SNX14: variants seen among roughly 807,000 people sequenced by gnomAD.
SNX14 encodes sorting nexin-14.
In SNX14, 93 loss-of-function variants were observed where a neutral mutation model predicts 133.8. The ratio of observed to expected loss-of-function variants is 0.70; its 90% CI spans 0.59 to 0.83. The LOEUF (loss-of-function observed/expected upper bound fraction) is 0.83, where lower values mean the gene tolerates loss of function less well. Among genes scored for constraint, SNX14 ranks in the 40% least tolerant of loss-of-function variants. The pLI, the probability that SNX14 is intolerant of heterozygous loss-of-function variation, is 0.00. For missense variants in SNX14, 945 were observed against 1,094.9 expected, an observed-to-expected ratio of 0.86 and a Z score of 1.93; for synonymous variants, 368 against 365.6, an observed-to-expected ratio of 1.01 and a Z score of -0.07.
chr6:85,547,017 T>C (rs930649048), intron 12 of SNX14, 95 bp downstream of exon 12: 4 of 773,762 alleles, frequency 5.2e-6, no homozygotes, highest in South Asian at 2.1e-5. Context: ...AGTACAATGA[T>C]AGATGGGTAC....
intron 21 of SNX14, among the ~76,000 whole-genome samples, chr6:85,518,594 T>C (rs1313872066): frequency 6.6e-6 from 1 of 152,206 alleles, no homozygotes; most frequent in East Asian, 1.9e-4. Flanking sequence ...ACATCAAACA[T>C]CTTGAGATTT....
At position 85,543,772 on chromosome 6, in the gene SNX14, G is replaced by A; in HGVS notation, c.1109-12C>T. ...ATCATTAAATTCCTCTAACAAATGA[G>A]GGAATGAATAAGAAAAAATAATTTT... On this transcript the variant is annotated splice_polypyrimidine_tract_variant and intron_variant, in intron 12 of 28. Coordinates refer to ENST00000314673, the MANE Select transcript of SNX14 (RefSeq NM_153816.6). The A allele has an allele frequency of 1.4e-6, 2 of 1,464,116 alleles. No individual in the cohort carries two copies. Among genetic ancestry groups the A allele is most frequent in the Non-Finnish European group, 1.8e-6 (2 of 1,094,426 alleles). The allele number at this position is 1,464,116 out of a possible 1,614,324, so 90.7% of individuals were successfully genotyped here.
intron 6 of SNX14, among the ~76,000 whole-genome samples, chr6:85,561,839 C>A (rs555861489): frequency 4.3e-5 from 6 of 138,378 alleles, no homozygotes; most frequent in Admixed American, 2.9e-4. Flanking sequence ...TTTTTTTTTT[C>A]CTTTTTCTTT....
intron 19 of SNX14, among the ~76,000 whole-genome samples, chr6:85,529,043 C>T (rs1184571484): frequency 2.0e-5 from 3 of 147,488 alleles, no homozygotes; most frequent in African/African-American, 7.5e-5. Context: ...CAGAGTGAGA[C>T]TCACCTCAGA....
chr6:85,533,682 T>C lies in SNX14; in HGVS notation c.1727A>G (p.Glu576Gly). ...KISIPYVDFF[E>G]DPSSERKEKK... Reference sequence around the variant, plus strand: ...CTCCTTCCTTTCAGAGGAGGGATCCTCAAAAAAGTCTACATATGGAATGCT... The same window carrying C: ...CTCCTTCCTTTCAGAGGAGGGATCCCCAAAAAAGTCTACATATGGAATGCT... Residue 576 changes from glutamate (E) to glycine (G), a missense_variant, in exon 18 of 29, where the codon GAG becomes GGG. By Grantham distance (98) the Glu-to-Gly change is moderately conservative. This residue lies in a region of SNX14 where 412 missense variants were observed against 516.6 expected (regional missense o/e 0.80). Transcript: ENST00000314673. 1 of 1,613,922 alleles carries C rather than the reference T, an allele frequency of 6.2e-7. No homozygotes were observed. Among genetic ancestry groups the C allele is most frequent in the Non-Finnish European group, 8.5e-7 (1 of 1,180,004 alleles).
chr6:85,582,008 C>G (rs904618878), intron 1 of SNX14, among the ~76,000 whole-genome samples: 7 of 152,040 alleles, frequency 4.6e-5, no homozygotes, highest in African/African-American at 9.7e-5. Context: ...GAACACCAAG[C>G]AGATTTAACC....
rs1796652976 is a variant in SNX14 at position 85,574,376 on chromosome 6, T to C, written c.143A>G (p.Tyr48Cys). 2 of 1,534,998 alleles carry C rather than the reference T, an allele frequency of 1.3e-6. No homozygotes were observed. Among genetic ancestry groups the C allele is most frequent in the African/African-American group, 1.4e-5 (1 of 72,890 alleles). ...CCAGAAGATCATTAAAATATGAATA[T>C]ACCTTAAAAATAAATGAAAATAATT... is the stretch of plus-strand genomic sequence containing the variant. The part of the protein sequence containing the change: ...LSAASLLLNR[Y>C]IHILMIFWSF... Residue 48 changes from tyrosine (Y) to cysteine (C), a missense_variant and splice_region_variant, in exon 2 of 29, where the codon TAT (tyrosine) becomes TGT (cysteine). Tyr to Cys is a radical substitution (Grantham distance 194). Transcript: ENST00000314673.
At chr6:85,580,704 T>A in intron 1 of SNX14, among the ~76,000 whole-genome samples, 1 of 152,124 alleles carries the variant, frequency 6.6e-6, no homozygotes, top group Non-Finnish European at 1.5e-5. Context: ...GTAGTTAGAT[T>A]GATAGAGTCT....
At chr6:85,571,049 T>G (rs1410889401) in intron 4 of SNX14, among the ~76,000 whole-genome samples, 2 of 151,838 alleles carry the variant, frequency 1.3e-5, no homozygotes, top group African/African-American at 4.8e-5. Context: ...CAGGGTATCT[T>G]GAAGATGAAA....
At chr6:85,560,386 G>A (rs930282700) in intron 6 of SNX14, among the ~76,000 whole-genome samples, 1 of 152,108 alleles carries the variant, frequency 6.6e-6, no homozygotes, top group Non-Finnish European at 1.5e-5. Flanking sequence ...AGTCACAAAA[G>A]GCCACATATT....
chr6:85,578,808 A>T (rs541063909), intron 1 of SNX14, among the ~76,000 whole-genome samples: 1 of 152,318 alleles, frequency 6.6e-6, no homozygotes, highest in South Asian at 2.1e-4. Context: ...AAAGAAGTTG[A>T]CACTGGTGAG....
At chr6:85,518,146 C>A in intron 21 of SNX14, 98 bp from the exon 22 acceptor site, 1 of 934,172 alleles carries the variant, frequency 1.1e-6, no homozygotes, top group Non-Finnish European at 1.6e-6. Context: ...ACGAAATAGC[C>A]AAGTTAAAAC....
chr6:85,514,002 C>T lies in SNX14; in HGVS notation c.2557+68G>A, dbSNP rs943373864. 1.6e-5 allele frequency: 25 copies of T among 1,563,280 alleles called. 1 individual carries two copies. In the South Asian group the frequency reaches 2.4e-4, roughly 15 times the overall value. On this transcript the variant is annotated intron_variant, in intron 25 of 28. Transcript: ENST00000314673. ...AAACCAAAGCAAAACAAGATTTCTTCCTCTTTAGATTCAATTAAAATCATA... is the reference window on the plus strand; with the variant it reads ...AAACCAAAGCAAAACAAGATTTCTTTCTCTTTAGATTCAATTAAAATCATA...
At chr6:85,568,782 A>T (rs940903545) in intron 4 of SNX14, among the ~76,000 whole-genome samples, 1 of 152,216 alleles carries the variant, frequency 6.6e-6, no homozygotes, top group Non-Finnish European at 1.5e-5. Flanking sequence ...TTTTAGTACA[A>T]AAACTAAGCA....
intron 26 of SNX14, among the ~76,000 whole-genome samples, chr6:85,510,299 G>A (rs967687140): frequency 6.6e-6 from 1 of 152,222 alleles, no homozygotes; most frequent in Non-Finnish European, 1.5e-5. Context: ...AAATGGTGGT[G>A]TTGGTGTTCT....
chr6:85,576,229 A>C (rs1797296325), intron 1 of SNX14, among the ~76,000 whole-genome samples: 1 of 152,136 alleles, frequency 6.6e-6, no homozygotes, highest in African/African-American at 2.4e-5. Context: ...CACTGTAGGG[A>C]TCTAATAATT....
chr6:85,519,174 C>G (rs1053479663), intron 21 of SNX14, among the ~76,000 whole-genome samples: 1 of 152,138 alleles, frequency 6.6e-6, no homozygotes, highest in Non-Finnish European at 1.5e-5. Flanking sequence ...TTTGTCCTCA[C>G]TTTTTTCCCC....
chr6:85,548,779 C>A (rs1158518580), intron 8 of SNX14, among the ~76,000 whole-genome samples: 1 of 151,670 alleles, frequency 6.6e-6, no homozygotes, highest in African/African-American at 2.4e-5. Context: ...CCAGCCTGGC[C>A]AACATGATGA....
At chr6:85,529,568 G>A in intron 19 of SNX14, among the ~76,000 whole-genome samples, 1 of 152,306 alleles carries the variant, frequency 6.6e-6, no homozygotes, top group East Asian at 1.9e-4. Context: ...CAGATTGGTA[G>A]AGAGAAAGAT....
Sources: allele counts gnomAD v4.1 joint callset (sites outside exome capture counted in the v4.1 genomes callset), GRCh38; gene constraint gnomAD v4.1.1; regional missense constraint gnomAD v4.1.1; transcripts MANE v1.5; gene names NCBI Gene and HGNC (gene_info 2026-07-23, HGNC 2026-07-21).